SLC8A1: variants seen among roughly 807,000 people sequenced by gnomAD.
SLC8A1 encodes the protein solute carrier family 8 member A1.
A neutral mutation model predicts 68.3 loss-of-function variants in SLC8A1; 18 were observed. The ratio of observed to expected loss-of-function variants is 0.26; its 90% confidence interval spans 0.18 to 0.39. SLC8A1 has a LOEUF of 0.39. Among genes scored for constraint, SLC8A1 ranks in the 10% least tolerant of loss-of-function variants. SLC8A1 has a pLI of 1.00. For synonymous variants in SLC8A1, 475 were observed against 415.5 expected (o/e 1.14, Z -1.74); for missense variants, 985 against 1,156.7 (o/e 0.85, Z 2.15).
chr2:40,448,983 C>A (rs6745267), intron 1 of SLC8A1, among the ~76,000 whole-genome samples: 6,702 of 152,044 alleles, frequency 0.044, 403 homozygotes, highest in African/African-American at 0.14. Flanking sequence ...GCTCTAACAG[C>A]CTCTTCTAGA....
At chr2:40,500,071 A>G (rs1292234050) in intron 1 of SLC8A1, among the ~76,000 whole-genome samples, 1 of 152,052 alleles carries the variant, frequency 6.6e-6, no homozygotes, top group Non-Finnish European at 1.5e-5. Flanking sequence ...TACACATGTA[A>G]CAATTCATCA....
intron 3 of SLC8A1, among the ~76,000 whole-genome samples, chr2:40,177,536 T>C (rs1441389300): frequency 6.6e-6 from 1 of 152,212 alleles, no homozygotes; most frequent in Non-Finnish European, 1.5e-5. Flanking sequence ...TTAAATCTGG[T>C]TGCAATCAAG....
Position 40,160,761 on chromosome 2 carries a change from T to A in SLC8A1, c.2161+4A>T, listed in dbSNP as rs1481563530. 1 of 1,612,038 alleles carries A rather than the reference T, an allele frequency of 6.2e-7. No individual in the cohort carries two copies. The highest frequency in any genetic ancestry group is 8.5e-7 in the Non-Finnish European group (1 of 1,178,282). Reference sequence around the variant, plus strand: ...ATTTATAATATGCAGAGAAAGGCACTCACCAGCACTGACAGTGATAGCTTC... The same window carrying A: ...ATTTATAATATGCAGAGAAAGGCACACACCAGCACTGACAGTGATAGCTTC... On this transcript the variant is annotated splice_donor_region_variant and intron_variant, in intron 6 of 7. Coordinates refer to ENST00000406785, the Ensembl canonical transcript of SLC8A1.
chr2:40,172,762 G>A (rs1044409273), intron 4 of SLC8A1, among the ~76,000 whole-genome samples: 2 of 152,082 alleles, frequency 1.3e-5, no homozygotes, highest in African/African-American at 2.4e-5. Flanking sequence ...CCAACATGGT[G>A]AAACCTTGTC....
intron 2 of SLC8A1, among the ~76,000 whole-genome samples, chr2:40,313,123 T>A (rs1409018179): frequency 6.6e-6 from 1 of 152,088 alleles, no homozygotes; most frequent in Non-Finnish European, 1.5e-5. Flanking sequence ...TAATCAATAA[T>A]TTTATTGTCA....
chr2:40,370,776 G>T (rs924726470), intron 2 of SLC8A1, among the ~76,000 whole-genome samples: 4 of 151,926 alleles, frequency 2.6e-5, no homozygotes. Flanking sequence ...TTTCATACCT[G>T]TATTCTTACT....
intron 2 of SLC8A1, among the ~76,000 whole-genome samples, chr2:40,202,756 G>A (rs1251670872): frequency 6.6e-6 from 1 of 151,952 alleles, no homozygotes; most frequent in Non-Finnish European, 1.5e-5. Context: ...TGAAATTACA[G>A]CTCTAAAGAG....
exon 8 of SLC8A1, chr2:40,110,603 T>G (rs764727958): frequency 2.0e-5 from 3 of 152,190 alleles, no homozygotes; most frequent in Non-Finnish European, 4.4e-5. Context: ...ATTACAATGA[T>G]AAAAGCTGAA....
chr2:40,259,347 A>G (rs1305607180), intron 2 of SLC8A1, among the ~76,000 whole-genome samples: 1 of 152,212 alleles, frequency 6.6e-6, no homozygotes, highest in Admixed American at 6.5e-5. Context: ...TGTCCAACAT[A>G]GAGATCCACT....
intron 1 of SLC8A1, among the ~76,000 whole-genome samples, chr2:40,466,664 T>C (rs1362962792): frequency 6.6e-6 from 1 of 152,168 alleles, no homozygotes; most frequent in Non-Finnish European, 1.5e-5. Context: ...GGAAATATGA[T>C]TCTTTACCCT....
intron 2 of SLC8A1, among the ~76,000 whole-genome samples, chr2:40,391,363 T>C (rs1361074448): frequency 1.3e-5 from 2 of 151,944 alleles, no homozygotes; most frequent in African/African-American, 4.8e-5. Flanking sequence ...TAGGAATAAG[T>C]GTCCTTTTAA....
intron 1 of SLC8A1, among the ~76,000 whole-genome samples, chr2:40,470,932 C>T (rs541524800): frequency 1.3e-5 from 2 of 152,160 alleles, no homozygotes; most frequent in Non-Finnish European, 2.9e-5. Context: ...ACACATACCA[C>T]TGTATCTTCT....
intron 7 of SLC8A1, among the ~76,000 whole-genome samples, chr2:40,137,386 T>C (rs1014783284): frequency 6.6e-6 from 1 of 152,150 alleles, no homozygotes; most frequent in African/African-American, 2.4e-5. Flanking sequence ...TTTTGGACAA[T>C]TGTTATAAGA....
At chr2:40,163,506 G>A (rs1312251852) in intron 5 of SLC8A1, among the ~76,000 whole-genome samples, 3 of 152,200 alleles carry the variant, frequency 2.0e-5, no homozygotes, top group Admixed American at 2.0e-4. Flanking sequence ...CACACATGGA[G>A]AAAAGATGAG....
chr2:40,424,012 T>C (rs1052945490), intron 2 of SLC8A1, among the ~76,000 whole-genome samples: 8 of 151,918 alleles, frequency 5.3e-5, no homozygotes, highest in African/African-American at 1.9e-4. Context: ...ATACATTACC[T>C]AGGAAAATTA....
chr2:40,193,619 C>CA (rs2052330373), intron 2 of SLC8A1, among the ~76,000 whole-genome samples: 1 of 152,054 alleles, frequency 6.6e-6, no homozygotes, highest in African/African-American at 2.4e-5. Context: ...AGCTTGGAGA[C>CA]AGGAGAAATG....
At chr2:40,409,271 C>A (rs1691371163) in intron 2 of SLC8A1, among the ~76,000 whole-genome samples, 1 of 152,034 alleles carries the variant, frequency 6.6e-6, no homozygotes, top group African/African-American at 2.4e-5. Context: ...AGGGTATATT[C>A]TAATTTTTTT....
chr2:40,285,926 T>C (rs2068229695), intron 2 of SLC8A1, among the ~76,000 whole-genome samples: 1 of 152,176 alleles, frequency 6.6e-6, no homozygotes, highest in Admixed American at 6.6e-5. Context: ...TATGATCTTC[T>C]GATTAGAGAA....
rs142261593 is a variant in SLC8A1, at chr2:40,135,584, G to A, written c.2437+3817C>T. ...AATACAAAAATTAGCTAGGCATGGT[G>A]GTATGTGCCTGTAGTCCCAGCTACT... On this transcript the variant is annotated intron_variant, in intron 7 of 7. Transcript: ENST00000406785. 1.4e-4 allele frequency among the ~76,000 whole-genome samples: 21 copies of A among 152,236 alleles called. No homozygotes were observed. The East Asian group carries it at 4.1e-3, about 29-fold the overall frequency.
Sources: allele counts gnomAD v4.1 joint callset (sites outside exome capture counted in the v4.1 genomes callset), GRCh38; gene constraint gnomAD v4.1.1; transcripts MANE v1.5; gene names NCBI Gene and HGNC (gene_info 2026-07-23, HGNC 2026-07-21).